PDE1C: variants seen among roughly 807,000 people sequenced by gnomAD.
The protein encoded by PDE1C is phosphodiesterase 1C, also known as dual specificity calcium/calmodulin-dependent 3',5'-cyclic nucleotide phosphodiesterase 1C.
PDE1C carries 62 observed loss-of-function variants against 93.1 expected under a neutral mutation model. The observed-to-expected ratio is 0.67, with a 90% CI of 0.54 to 0.82. The LOEUF is 0.82. Among genes scored for constraint, PDE1C ranks in the 40% least tolerant of loss-of-function variants. The pLI is 0.00. For missense variants in PDE1C, 742 were observed against 884.6 expected, an observed-to-expected ratio of 0.84 and a Z score of 2.04; for synonymous variants, 325 against 310.1, an observed-to-expected ratio of 1.05 and a Z score of -0.50.
At chr7:31,850,519 A>T in intron 8 of PDE1C, 122 bp downstream of exon 8, 1 of 698,760 alleles carries the variant, frequency 1.4e-6, no homozygotes, top group Admixed American at 2.1e-5. Context: ...TTAGAGGTTC[A>T]TTGTTTCAGA....
chr7:31,789,883 C>A, intron 16 of PDE1C: 1 of 1,054,934 alleles, frequency 9.5e-7, no homozygotes, highest in Non-Finnish European at 1.1e-6. Context: ...CCAGCATATC[C>A]AGGATGTCCA....
At chr7:31,778,180 C>T (rs1313864886) in intron 16 of PDE1C, among the ~76,000 whole-genome samples, 1 of 152,156 alleles carries the variant, frequency 6.6e-6, no homozygotes, top group Non-Finnish European at 1.5e-5. Context: ...TGTGTCAAAG[C>T]CAGTGCTGCC....
the PDE1C span, among the ~76,000 whole-genome samples, chr7:31,720,959 G>C: frequency 6.6e-6 from 1 of 152,182 alleles, no homozygotes; most frequent in African/African-American, 2.4e-5. Context: ...AGAAAAAAAA[G>C]AGTATATTTG....
chr7:31,952,627 G>T (rs1383208141), intron 2 of PDE1C, among the ~76,000 whole-genome samples: 1 of 152,098 alleles, frequency 6.6e-6, no homozygotes, highest in Non-Finnish European at 1.5e-5. Context: ...CCTGAATTGT[G>T]CACACTAGGT....
chr7:32,340,548 G>A (rs1783728184), intron 1 of PDE1C, among the ~76,000 whole-genome samples: 1 of 152,134 alleles, frequency 6.6e-6, no homozygotes, highest in Admixed American at 6.5e-5. Context: ...CTTATTGTAA[G>A]GAAAGCTATT....
intron 2 of PDE1C, among the ~76,000 whole-genome samples, chr7:32,177,109 G>A (rs78505427): frequency 7.2e-5 from 11 of 152,262 alleles, no homozygotes; most frequent in Admixed American, 3.3e-4. Context: ...TAAGAAAGAC[G>A]AACAAAGAAC....
chr7:32,021,088 T>G (rs939599546), intron 2 of PDE1C, among the ~76,000 whole-genome samples: 1 of 152,098 alleles, frequency 6.6e-6, no homozygotes. Context: ...TTGAGTGTGA[T>G]CCAGCCGTAC....
At position 32,129,456 on chromosome 7, in the gene PDE1C, T is replaced by C. The variant is rs910456230; in HGVS notation, c.308+40329A>G. Among the ~76,000 whole-genome samples the C allele has an allele frequency of 3.0e-5, 4 of 131,794 alleles. 1 individual carries two copies. The highest frequency in any genetic ancestry group is 1.3e-4 in the African/African-American group (4 of 30,010). The allele number at this position is 131,794 out of a possible 152,430, so 86.5% of individuals were successfully genotyped here. ...ATTTCAATATATTAATATATACTTA[T>C]TTGCTGATCAAATTCAGCATATTAA... On this transcript the variant is annotated intron_variant, in intron 3 of 18. Coordinates refer to the PDE1C transcript ENST00000396193.
chr7:32,170,675 A>G (rs1802587636), intron 2 of PDE1C, among the ~76,000 whole-genome samples: 2 of 152,112 alleles, frequency 1.3e-5, no homozygotes, highest in South Asian at 4.1e-4. Context: ...TCTGCCCTAC[A>G]TGCATGTGCC....
intron 1 of PDE1C, among the ~76,000 whole-genome samples, chr7:32,318,910 G>C (rs981497204): frequency 1.3e-5 from 2 of 152,228 alleles, no homozygotes; most frequent in Admixed American, 6.5e-5. Flanking sequence ...AGGTTCGGGA[G>C]GGCTGGACTT....
chr7:32,052,417 A>G, intron 1 of PDE1C: 2 of 450,128 alleles, frequency 4.4e-6, no homozygotes, highest in Non-Finnish European at 4.5e-6. Flanking sequence ...TTGTCCCAAT[A>G]TCCCAAAGTT....
intron 1 of PDE1C, among the ~76,000 whole-genome samples, chr7:32,064,422 T>C (rs1388179356): frequency 6.6e-6 from 1 of 152,222 alleles, no homozygotes; most frequent in Admixed American, 6.5e-5. Flanking sequence ...CCTCTTTCTC[T>C]ACTCTAAATC....
At chr7:32,353,896 A>G (rs1783980260) in intron 1 of PDE1C, among the ~76,000 whole-genome samples, 1 of 152,198 alleles carries the variant, frequency 6.6e-6, no homozygotes, top group Admixed American at 6.5e-5. Flanking sequence ...CATCAATACA[A>G]TCTCCTCAGG....
the PDE1C span, chr7:31,643,584 T>C: frequency 1.2e-6 from 2 of 1,613,912 alleles, no homozygotes; most frequent in African/African-American, 1.3e-5. Flanking sequence ...TAGAATGCAC[T>C]GTGTGTGATC....
intron 1 of PDE1C, among the ~76,000 whole-genome samples, chr7:32,370,870 G>C (rs1452020551): frequency 6.6e-6 from 1 of 151,900 alleles, no homozygotes; most frequent in Admixed American, 6.6e-5. Flanking sequence ...GATATATATG[G>C]AATACTATTC....
chr7:31,980,463 T>C (rs940593105), intron 2 of PDE1C, among the ~76,000 whole-genome samples: 2 of 152,126 alleles, frequency 1.3e-5, no homozygotes, highest in Non-Finnish European at 2.9e-5. Context: ...CTTCAGTAAA[T>C]CCTGGGTCAC....
chr7:32,120,934 A>C (rs1584800588), intron 3 of PDE1C, among the ~76,000 whole-genome samples: 1 of 152,186 alleles, frequency 6.6e-6, no homozygotes, highest in East Asian at 1.9e-4. Context: ...AACTCCACTG[A>C]GCTAAAGGAG....
At chr7:32,077,879 A>G in intron 3 of PDE1C, 1 of 985,330 alleles carries the variant, frequency 1.0e-6, no homozygotes, top group Middle Eastern at 5.2e-4. Flanking sequence ...CCTCCAGTTT[A>G]GAAATGAGGT....
At chr7:32,222,360 A>G (rs1806933136) in intron 1 of PDE1C, among the ~76,000 whole-genome samples, 1 of 152,224 alleles carries the variant, frequency 6.6e-6, no homozygotes, top group Non-Finnish European at 1.5e-5. Context: ...TGCCCTCAGC[A>G]GAGCTACACC....
Sources: allele counts gnomAD v4.1 joint callset (sites outside exome capture counted in the v4.1 genomes callset), GRCh38; gene constraint gnomAD v4.1.1; transcripts MANE v1.5; gene names NCBI Gene and HGNC (gene_info 2026-07-23, HGNC 2026-07-21).